The following ZMYM1 variants were observed in gnomAD, a reference collection of about 807,000 sequenced individuals.
ZMYM1 encodes zinc finger MYM-type protein 1.
ZMYM1 carries 39 observed loss-of-function variants against 60.0 expected under a neutral mutation model. The observed-to-expected ratio is 0.65, with a 90% CI of 0.50 to 0.85. ZMYM1 has a LOEUF of 0.85. Ranked by LOEUF, ZMYM1 falls within the 40% of genes least tolerant of loss-of-function variation. The probability of loss-of-function intolerance (pLI) is 0.00; values close to 1 mark genes in which losing one functional copy is unlikely to be tolerated. For synonymous variants in ZMYM1, 413 were observed against 454.0 expected (o/e 0.91, Z 1.15); for missense variants, 1,171 against 1,309.5 (o/e 0.89, Z 1.63).
chr1:35,112,577 T>TAA (rs1553146261), intron 9 of ZMYM1, among the ~76,000 whole-genome samples: 2 of 26,818 alleles, frequency 7.5e-5, no homozygotes, highest in Non-Finnish European at 2.3e-4. Context: ...TATAAATATA[T>TAA]TATAATGTAT....
intron 6 of ZMYM1, among the ~76,000 whole-genome samples, chr1:35,106,089 TA>T (rs1014362963): frequency 7.2e-5 from 11 of 151,854 alleles, no homozygotes; most frequent in Non-Finnish European, 1.3e-4. Context: ...AACCTGTCTT[TA>T]AAAAAACAAA....
rs200627689 is a variant in ZMYM1 at position 35,061,820 on chromosome 1, T to TTTTATTTA, written c.-301+1915_-301+1922dup. ...TATAGACATCTTATTTCCCTTTTAT[T>TTTTATTTA]TTTATTTATTTATTTATTTATTTAT... On this transcript the variant is annotated intron_variant, in intron 1 of 10. Coordinates refer to the ZMYM1 transcript ENST00000417119. 1.1e-3 allele frequency among the ~76,000 whole-genome samples: 167 copies of TTTTATTTA among 145,640 alleles called. 1 individual carries two copies. The highest frequency in any genetic ancestry group is 4.4e-3 in the African/African-American group (163 of 37,126).
intron 1 of ZMYM1, among the ~76,000 whole-genome samples, chr1:35,081,016 T>A (rs1642359866): frequency 6.6e-6 from 1 of 152,028 alleles, no homozygotes; most frequent in Non-Finnish European, 1.5e-5. Flanking sequence ...CGATCTCAGC[T>A]CACTGCAACC....
intron 1 of ZMYM1, among the ~76,000 whole-genome samples, chr1:35,086,192 C>A (rs182200903): frequency 1.8e-4 from 28 of 152,208 alleles, no homozygotes; most frequent in Admixed American, 3.3e-4. Context: ...AAAATCATTT[C>A]TTCAAGTCAT....
At chr1:35,092,411 T>G (rs1426160184) in intron 1 of ZMYM1, among the ~76,000 whole-genome samples, 2 of 150,396 alleles carry the variant, frequency 1.3e-5, no homozygotes, top group East Asian at 1.9e-4. Context: ...TTTTTTTTTT[T>G]TGTATTTTTA....
At chr1:35,104,513 C>T (rs1048576443) in intron 5 of ZMYM1, 44 bp downstream of exon 5, 2 of 1,611,424 alleles carry the variant, frequency 1.2e-6, no homozygotes, top group Non-Finnish European at 1.7e-6. Context: ...GATGATTCTG[C>T]TTAAATATCA....
intron 1 of ZMYM1, among the ~76,000 whole-genome samples, chr1:35,067,602 C>T (rs1641993557): frequency 6.6e-6 from 1 of 152,154 alleles, no homozygotes; most frequent in Admixed American, 6.5e-5. Context: ...TGGCCGGGTG[C>T]AGTGGCTCAC....
chr1:35,083,274 C>G (rs1642485217), intron 1 of ZMYM1, among the ~76,000 whole-genome samples: 1 of 151,976 alleles, frequency 6.6e-6, no homozygotes, highest in Admixed American at 6.6e-5. Context: ...CCTCGGCCTC[C>G]CGAGTAGCTG....
At chr1:35,088,446 ATATATATATGTGTGTG>A (rs1367956025) in intron 1 of ZMYM1, among the ~76,000 whole-genome samples, 28 of 116,298 alleles carry the variant, frequency 2.4e-4, no homozygotes, top group African/African-American at 9.1e-4. Flanking sequence ...ATATATATAT[ATATATATATGTGTGTG>A]TGTGTGTGTG....
At chr1:35,105,149 T>TC (rs1257631523) in intron 6 of ZMYM1, among the ~76,000 whole-genome samples, 1 of 145,738 alleles carries the variant, frequency 6.9e-6, no homozygotes, top group Non-Finnish European at 1.5e-5. Context: ...TTTTTTTTTT[T>TC]GGTGAGATGG....
rs199995999 is a variant in ZMYM1 at position 35,114,674 on chromosome 1, C to A, written c.2844C>A (p.Gly948=). ...RRKIQKSVDL[G]NSDNMFFPTS... ...AAATTCAGAAATCAGTAGATCTTGG[C>A]AATTCAGATAATATGTTTTTTCCTA... The change falls in exon 10 of 10, where the codon GGC becomes GGA. Residue 948 remains glycine, a synonymous_variant. Coordinates refer to ENST00000359858, the MANE Select transcript of ZMYM1 (RefSeq NM_024772.5). The A allele has an allele frequency of 3.8e-4, 611 of 1,590,714 alleles. 1 individual carries two copies. In the African/African-American group the frequency reaches 6.5e-3, roughly 17 times the overall value.
intron 2 of ZMYM1, 57 bp downstream of exon 2, chr1:35,094,140 A>G (rs1288058857): frequency 5.4e-6 from 8 of 1,476,862 alleles, no homozygotes; most frequent in East Asian, 2.3e-5. Flanking sequence ...TATAAATTTT[A>G]GTTACAAAGG....
At chr1:35,116,575 A>G (rs1644250710), downstream of ZMYM1, among the ~76,000 whole-genome samples, 1 of 152,144 alleles carries the variant, frequency 6.6e-6, no homozygotes, top group African/African-American at 2.4e-5. Context: ...GTCCTGCCTC[A>G]GCCTCCCAAG....
chr1:35,090,349 A>C (rs1052396216), intron 1 of ZMYM1, among the ~76,000 whole-genome samples: 4 of 152,128 alleles, frequency 2.6e-5, no homozygotes, highest in African/African-American at 4.8e-5. Flanking sequence ...GCCTCAGTCA[A>C]GGAAAAAGGA....
rs536881288 is a variant in ZMYM1, at chr1:35,096,037, G to A, written c.169+146G>A. 1.2e-3 allele frequency: 772 copies of A among 638,232 alleles called. 5 individuals are homozygous for A. The highest frequency in any genetic ancestry group is 0.011 in the African/African-American group (591 of 54,202). 39.5% of individuals were successfully genotyped at this position (638,232 alleles called of 1,614,324 possible). A position where few individuals can be genotyped will look rare whatever the true frequency, so the allele number is the denominator to read the frequency against. ...CCTGTAAGAAAATGAAAGAGAGGCC[G>A]TGCACAGTGGCTCACACCTGTAATC... On this transcript the variant is annotated intron_variant, in intron 3 of 9. Transcript: ENST00000359858.
At position 35,080,378 on chromosome 1, in the gene ZMYM1, C is replaced by T. The variant is rs527406448; in HGVS notation, c.-75+936C>T. ...TTGGCCCAGGCTGAGTGCAGTGACA[C>T]GATCACGGCTCACAAGCAGCCTCAG... is the stretch of plus-strand genomic sequence containing the variant. On this transcript the variant is annotated intron_variant, in intron 1 of 9. Coordinates refer to ENST00000359858, the MANE Select transcript of ZMYM1 (RefSeq NM_024772.5). 1.4e-3 allele frequency among the ~76,000 whole-genome samples: 210 copies of T among 148,954 alleles called. 1 individual carries two copies. Among genetic ancestry groups the T allele is most frequent in the African/African-American group, 5.0e-3 (199 of 40,102 alleles).
intron 4 of ZMYM1, 96 bp downstream of exon 4, chr1:35,097,662 G>A (rs1386596171): frequency 1.4e-6 from 2 of 1,481,172 alleles, no homozygotes; most frequent in Admixed American, 3.6e-5. Flanking sequence ...TTTATTTTTT[G>A]AGACTGAGTT....
intron 1 of ZMYM1, among the ~76,000 whole-genome samples, chr1:35,070,828 A>T (rs1401028038): frequency 4.0e-5 from 6 of 151,502 alleles, no homozygotes; most frequent in African/African-American, 1.5e-4. Context: ...TTTAATCATG[A>T]AGCGATGTTG....
chr1:35,077,237 A>C (rs1229383318), upstream of ZMYM1, among the ~76,000 whole-genome samples: 2 of 152,154 alleles, frequency 1.3e-5, no homozygotes, highest in Non-Finnish European at 2.9e-5. Context: ...GGAAGTTAGT[A>C]ATGACGATGA....
Sources: gnomAD v4.1 joint callset for allele counts (sites outside exome capture counted in the v4.1 genomes callset) on GRCh38, gnomAD v4.1.1 for gene constraint, MANE v1.5 for transcripts, NCBI Gene and HGNC (gene_info 2026-07-23, HGNC 2026-07-21) for gene names.